The following RIMS2 variants were observed in gnomAD, a reference collection of about 807,000 sequenced individuals.
RIMS2 encodes regulating synaptic membrane exocytosis protein 2.
Under a neutral mutation model 174.4 loss-of-function variants are expected in RIMS2, and 59 were observed. That is an observed-to-expected ratio of 0.34 (90% CI 0.27 to 0.42). The LOEUF (loss-of-function observed/expected upper bound fraction) is 0.42, where lower values mean the gene tolerates loss of function less well. Ranked by LOEUF, RIMS2 falls within the 10% of genes least tolerant of loss-of-function variation. RIMS2 has a pLI of 1.00. For missense variants in RIMS2, 1,620 were observed against 1,666.3 expected (o/e 0.97, Z 0.48); for synonymous variants, 606 against 572.5 (o/e 1.06, Z -0.84).
chr8:103,979,378 G>A (rs2093701224), intron 16 of RIMS2, among the ~76,000 whole-genome samples: 1 of 152,180 alleles, frequency 6.6e-6, no homozygotes, highest in African/African-American at 2.4e-5. Context: ...TGGTTGCAAT[G>A]TAAACTAATA....
intron 11 of RIMS2, among the ~76,000 whole-genome samples, chr8:103,928,562 G>GT (rs1253784805): frequency 1.3e-5 from 2 of 150,926 alleles, no homozygotes; most frequent in African/African-American, 4.9e-5. Flanking sequence ...TGGCAATATA[G>GT]TTTTTTTTAA....
chr8:104,192,941 G>A (rs908720485), intron 19 of RIMS2, among the ~76,000 whole-genome samples: 3 of 152,122 alleles, frequency 2.0e-5, no homozygotes, highest in African/African-American at 7.2e-5. Flanking sequence ...ATGTGCTGTT[G>A]ATAAGAAAGG....
intron 2 of RIMS2, among the ~76,000 whole-genome samples, chr8:103,717,779 T>G (rs2097391742): frequency 1.3e-5 from 2 of 152,210 alleles, no homozygotes; most frequent in South Asian, 4.1e-4. Flanking sequence ...GGCCTTTTTA[T>G]AATACTATGC....
chr8:103,855,791 G>A (rs2099024309), intron 3 of RIMS2, among the ~76,000 whole-genome samples: 1 of 152,160 alleles, frequency 6.6e-6, no homozygotes, highest in African/African-American at 2.4e-5. Flanking sequence ...GTCAATGTTA[G>A]ATTGTATTCC....
chr8:103,705,530 A>G (rs952596358), intron 2 of RIMS2, among the ~76,000 whole-genome samples: 1 of 152,062 alleles, frequency 6.6e-6, no homozygotes, highest in East Asian at 1.9e-4. Context: ...TGCTGTGTTC[A>G]TTACTAAGAG....
intron 4 of RIMS2, among the ~76,000 whole-genome samples, chr8:103,890,335 C>G (rs1244811309): frequency 6.6e-6 from 1 of 151,912 alleles, no homozygotes; most frequent in Non-Finnish European, 1.5e-5. Context: ...TACTGAACAC[C>G]AATTTACTCA....
intron 19 of RIMS2, among the ~76,000 whole-genome samples, chr8:104,236,458 AACTTAAAAATAG>A (rs755568127): frequency 3.4e-4 from 51 of 152,046 alleles, no homozygotes; most frequent in Non-Finnish European, 4.9e-4. Context: ...AACATAATCA[AACTTAAAAATAG>A]ACTTAAAATG....
At chr8:104,213,574 CAGAT>C (rs747436263) in intron 19 of RIMS2, among the ~76,000 whole-genome samples, 11 of 152,018 alleles carry the variant, frequency 7.2e-5, no homozygotes, top group Non-Finnish European at 1.3e-4. Flanking sequence ...ATCTGTTGAA[CAGAT>C]AGAAAAGAAA....
At chr8:103,785,880 G>T (rs1410871341) in intron 3 of RIMS2, among the ~76,000 whole-genome samples, 1 of 152,176 alleles carries the variant, frequency 6.6e-6, no homozygotes, top group Non-Finnish European at 1.5e-5. Flanking sequence ...GTAGAATTCG[G>T]CTGTGAATCC....
chr8:104,068,499 T>G lies in RIMS2; in HGVS notation c.3334+53884T>G, dbSNP rs1405094925. 4 of 1,225,234 alleles carry G rather than the reference T, an allele frequency of 3.3e-6. No homozygotes were observed. Among genetic ancestry groups the G allele is most frequent in the Non-Finnish European group, 4.6e-6 (4 of 863,282 alleles). The allele number at this position is 1,225,234 out of a possible 1,614,324, so 75.9% of individuals were successfully genotyped here. A position where few individuals can be genotyped will look rare whatever the true frequency, so the allele number is the denominator to read the frequency against. ...CTGAACATTAATTTTATGGGTTTTT[T>G]TCTACTCGATAGGTACTATGGATAT... is the stretch of plus-strand genomic sequence containing the variant. On this transcript the variant is annotated intron_variant, in intron 19 of 23. Coordinates refer to ENST00000504942, the Ensembl canonical transcript of RIMS2.
At chr8:104,082,511 C>A (rs953871225) in intron 19 of RIMS2, among the ~76,000 whole-genome samples, 1 of 151,952 alleles carries the variant, frequency 6.6e-6, no homozygotes, top group Non-Finnish European at 1.5e-5. Flanking sequence ...AAAGTTATGG[C>A]GTTACATGAG....
At position 103,661,105 on chromosome 8, in the gene RIMS2, A is replaced by G. The variant is rs2096594735; in HGVS notation, c.177-35981A>G. On this transcript the variant is annotated intron_variant, in intron 1 of 23. Transcript: ENST00000504942. ...CCATTATTTTGGCCTATTTTTATTT[A>G]GAGTTTACAGAAAGAATCATACAAT... 2.6e-5 allele frequency among the ~76,000 whole-genome samples: 4 copies of G among 152,190 alleles called. No homozygotes were observed. The South Asian group carries it at 8.3e-4, about 31-fold the overall frequency.
intron 19 of RIMS2, among the ~76,000 whole-genome samples, chr8:104,166,152 C>T (rs892123322): frequency 1.8e-4 from 27 of 150,642 alleles, no homozygotes; most frequent in South Asian, 1.1e-3. Context: ...CTGCAAGCTC[C>T]GCCTCCCGGG....
rs377538488 is a variant in RIMS2, at chr8:103,918,450, G to A, written c.2046G>A (p.Pro682=). 2.4e-4 allele frequency: 375 copies of A among 1,578,638 alleles called. 1 individual carries two copies. In the African/African-American group the frequency reaches 3.0e-3, roughly 12 times the overall value. Residue 682 remains proline, a synonymous_variant, in exon 9 of 24, where the codon CCG becomes CCA. Coordinates refer to ENST00000504942, the Ensembl canonical transcript of RIMS2. The stretch of plus-strand genomic sequence containing the variant: ...TTTTTAATCATTTCAGAGATATACC[G>A]CGAATACCTGATAGCACACATGCAC...
chr8:104,246,292 A>G (rs2099329858), intron 20 of RIMS2, among the ~76,000 whole-genome samples: 1 of 152,164 alleles, frequency 6.6e-6, no homozygotes, highest in Non-Finnish European at 1.5e-5. Flanking sequence ...TTGCAGTCAT[A>G]TAGGTCTGGT....
At chr8:104,042,628 G>A (rs2096627920) in intron 19 of RIMS2, among the ~76,000 whole-genome samples, 1 of 151,626 alleles carries the variant, frequency 6.6e-6, no homozygotes, top group Non-Finnish European at 1.5e-5. Context: ...ATGATTTCAG[G>A]TGACTGAAAT....
chr8:103,759,152 G>A (rs899023460), intron 2 of RIMS2, among the ~76,000 whole-genome samples: 6 of 152,052 alleles, frequency 3.9e-5, no homozygotes, highest in Non-Finnish European at 7.4e-5. Context: ...AAATTGAAGG[G>A]CATCTTTTAC....
At chr8:103,660,581 T>G (rs2096587052) in intron 1 of RIMS2, among the ~76,000 whole-genome samples, 2 of 148,980 alleles carry the variant, frequency 1.3e-5, no homozygotes, top group African/African-American at 5.1e-5. Flanking sequence ...ACATGCTGCT[T>G]CGTGGATAAA....
At position 103,759,564 on chromosome 8, in the gene RIMS2, C is replaced by CAAAAAAAAAAAAAAAA. The variant is rs35946104; in HGVS notation, c.388-6654_388-6639dup. 1.4e-3 allele frequency among the ~76,000 whole-genome samples: 99 copies of CAAAAAAAAAAAAAAAA among 69,808 alleles called. 1 individual carries two copies. The highest frequency in any genetic ancestry group is 1.6e-3 in the East Asian group (3 of 1,820). 45.8% of individuals were successfully genotyped at this position (69,808 alleles called of 152,430 possible). ...TGGGCGACAGAGCGAGACTCCGTCT[C>CAAAAAAAAAAAAAAAA]AAAAAAAAAAAAAAAAAAAAAAAAG... On this transcript the variant is annotated intron_variant, in intron 2 of 23. Coordinates refer to ENST00000504942, the Ensembl canonical transcript of RIMS2.
Sources: allele counts gnomAD v4.1 joint callset (sites outside exome capture counted in the v4.1 genomes callset), GRCh38; gene constraint gnomAD v4.1.1; transcripts MANE v1.5; gene names NCBI Gene and HGNC (gene_info 2026-07-23, HGNC 2026-07-21).